CCSER1: variants seen among roughly 807,000 people sequenced by gnomAD.
CCSER1 encodes coiled-coil serine rich protein 1.
A neutral mutation model predicts 82.0 loss-of-function variants in CCSER1; 41 were observed. The ratio of observed to expected loss-of-function variants is 0.50; its 90% CI spans 0.39 to 0.65. CCSER1 has a LOEUF of 0.65. Among genes scored for constraint, CCSER1 ranks in the 30% least tolerant of loss-of-function variants. The probability of loss-of-function intolerance (pLI) is 0.00; values close to 1 mark genes in which losing one functional copy is unlikely to be tolerated. For synonymous variants in CCSER1, 414 were observed against 383.9 expected (o/e 1.08, Z -0.92); for missense variants, 1,119 against 1,064.2 (o/e 1.05, Z -0.72).
rs181393350 is a variant in CCSER1, at chr4:91,397,527, A to G, written c.2218-201045A>G. Among the ~76,000 whole-genome samples the G allele has an allele frequency of 3.0e-3, 453 of 152,122 alleles. 1 individual carries two copies. Among genetic ancestry groups the G allele is most frequent in the African/African-American group, 0.01 (426 of 41,520 alleles). Reference sequence around the variant, plus strand: ...TTAAAAGTATACACAGCAGCACTGGATTAATTATATACTTATTTGTCTAGT... The same window carrying G: ...TTAAAAGTATACACAGCAGCACTGGGTTAATTATATACTTATTTGTCTAGT... On this transcript the variant is annotated intron_variant, in intron 10 of 10. Coordinates refer to ENST00000509176, the MANE Select transcript of CCSER1 (RefSeq NM_001145065.2).
chr4:90,487,450 A>C (rs894676411), intron 5 of CCSER1, among the ~76,000 whole-genome samples: 2 of 152,248 alleles, frequency 1.3e-5, no homozygotes, highest in Admixed American at 1.3e-4. Flanking sequence ...CTCTCTGTAC[A>C]TAATATTCCT....
chr4:91,437,911 A>G (rs1050178081), intron 10 of CCSER1, among the ~76,000 whole-genome samples: 1 of 152,334 alleles, frequency 6.6e-6, no homozygotes, highest in South Asian at 2.1e-4. Context: ...ACTGCAAGGC[A>G]GCAGCGAGGC....
At chr4:90,208,267 C>G (rs1739292071) in intron 1 of CCSER1, among the ~76,000 whole-genome samples, 1 of 152,166 alleles carries the variant, frequency 6.6e-6, no homozygotes, top group Non-Finnish European at 1.5e-5. Context: ...TTGGCTTCAC[C>G]CAGTTCGGAC....
At chr4:90,934,930 A>T (rs1310295071) in intron 9 of CCSER1, among the ~76,000 whole-genome samples, 1 of 151,578 alleles carries the variant, frequency 6.6e-6, no homozygotes, top group East Asian at 1.9e-4. Flanking sequence ...AAACTCCATC[A>T]CACACACACA....
chr4:90,764,125 A>C (rs1458604423), intron 7 of CCSER1, among the ~76,000 whole-genome samples: 1 of 152,184 alleles, frequency 6.6e-6, no homozygotes, highest in South Asian at 2.1e-4. Flanking sequence ...CTACCACTTC[A>C]TCCTCTTTTT....
intron 1 of CCSER1, among the ~76,000 whole-genome samples, chr4:90,274,174 T>TA (rs1316676604): frequency 1.3e-5 from 2 of 152,024 alleles, no homozygotes; most frequent in African/African-American, 2.4e-5. Flanking sequence ...GAGATTTGGG[T>TA]AAAAAAGAAT....
Position 91,189,240 on chromosome 4 carries a change from G to GT in CCSER1, c.2217+103249dup, listed in dbSNP as rs557709765. On this transcript the variant is annotated intron_variant, in intron 10 of 10. Coordinates refer to ENST00000509176, the MANE Select transcript of CCSER1 (RefSeq NM_001145065.2). ...CAATTTGTCTTCATCATCAAAAAAT[G>GT]TTTATGTTTATAACTGTTACCTTTT... Among the ~76,000 whole-genome samples, 1,153 of 152,154 alleles carry GT rather than the reference G, an allele frequency of 7.6e-3. 10 individuals are homozygous for GT. Among genetic ancestry groups the GT allele is most frequent in the South Asian group, 0.017 (80 of 4,824 alleles).
At chr4:90,642,401 C>CCA (rs1225101104) in intron 6 of CCSER1, 1 of 152,152 alleles carries the variant, frequency 6.6e-6, no homozygotes, top group Non-Finnish European at 1.5e-5. Flanking sequence ...TCTAGTGACT[C>CCA]GTTTAGCTGG....
At chr4:90,790,207 T>A (rs2149655690) in intron 7 of CCSER1, among the ~76,000 whole-genome samples, 1 of 152,306 alleles carries the variant, frequency 6.6e-6, no homozygotes, top group East Asian at 1.9e-4. Flanking sequence ...GCCTTTTCTT[T>A]ATAATATCCT....
chr4:90,158,686 G>T (rs1578244229), intron 1 of CCSER1, among the ~76,000 whole-genome samples: 1 of 152,198 alleles, frequency 6.6e-6, no homozygotes, highest in Non-Finnish European at 1.5e-5. Flanking sequence ...TGAGCCAGGT[G>T]CGGGATATAA....
chr4:91,551,894 G>A (rs969782284), intron 10 of CCSER1, among the ~76,000 whole-genome samples: 11 of 151,774 alleles, frequency 7.2e-5, no homozygotes, highest in Middle Eastern at 3.4e-3. Context: ...CATCAGAACT[G>A]TCAAACATCA....
At chr4:91,182,884 T>A (rs1294293411) in intron 10 of CCSER1, among the ~76,000 whole-genome samples, 1 of 152,248 alleles carries the variant, frequency 6.6e-6, no homozygotes, top group African/African-American at 2.4e-5. Context: ...CTGTAAAAGA[T>A]GAGGCATGTA....
intron 1 of CCSER1, among the ~76,000 whole-genome samples, chr4:90,160,554 C>A (rs574732000): frequency 6.6e-6 from 1 of 152,302 alleles, no homozygotes; most frequent in East Asian, 1.9e-4. Context: ...GGCTTGGTAA[C>A]TAGCAGGTCA....
chr4:90,365,321 T>C (rs1310882059), intron 3 of CCSER1, among the ~76,000 whole-genome samples: 1 of 151,800 alleles, frequency 6.6e-6, no homozygotes, highest in East Asian at 1.9e-4. Flanking sequence ...CATGTTGATG[T>C]GTGTGTATTC....
intron 10 of CCSER1, among the ~76,000 whole-genome samples, chr4:91,444,180 T>C (rs1349508062): frequency 2.6e-5 from 4 of 152,176 alleles, no homozygotes; most frequent in Non-Finnish European, 5.9e-5. Context: ...ATCTTTTCTG[T>C]CACTAGAGTT....
intron 10 of CCSER1, among the ~76,000 whole-genome samples, chr4:91,378,769 C>G (rs1750638623): frequency 6.6e-6 from 1 of 152,100 alleles, no homozygotes; most frequent in South Asian, 2.1e-4. Flanking sequence ...TTGCCCTGGC[C>G]AGAACTTCCA....
chr4:90,271,858 ATATATTTTTTTTTTTTTTTTT>A (rs1268199675), intron 1 of CCSER1, among the ~76,000 whole-genome samples: 2 of 24,418 alleles, frequency 8.2e-5, no homozygotes, highest in African/African-American at 8.0e-4. Context: ...ATATATATAT[ATATATTTTTTTTTTTTTTTTT>A]TTTTTTTTTT....
intron 6 of CCSER1, among the ~76,000 whole-genome samples, chr4:90,636,902 T>C (rs141836860): frequency 2.0e-4 from 31 of 152,274 alleles, no homozygotes; most frequent in African/African-American, 7.2e-4. Flanking sequence ...TGAGCAGATA[T>C]GTTTGTTTAT....
intron 1 of CCSER1, among the ~76,000 whole-genome samples, chr4:90,208,746 G>A (rs924548170): frequency 4.6e-5 from 7 of 152,090 alleles, no homozygotes; most frequent in African/African-American, 1.7e-4. Context: ...GGCTTCCCTT[G>A]GCTAGGGGAG....
Sources: gnomAD v4.1 joint callset for allele counts (sites outside exome capture counted in the v4.1 genomes callset) on GRCh38, gnomAD v4.1.1 for gene constraint, MANE v1.5 for transcripts, NCBI Gene and HGNC (gene_info 2026-07-23, HGNC 2026-07-21) for gene names.